The following HECW1 variants were observed in gnomAD, a reference collection of about 807,000 sequenced individuals.
The protein encoded by HECW1 is HECT, C2 and WW domain containing E3 ubiquitin protein ligase 1.
A neutral mutation model predicts 182.3 loss-of-function variants in HECW1; 61 were observed. The ratio of observed to expected loss-of-function variants is 0.33; its 90% CI spans 0.27 to 0.41. HECW1 has a LOEUF of 0.41. Ranked by LOEUF, HECW1 falls within the 10% of genes least tolerant of loss-of-function variation. The pLI, the probability that HECW1 is intolerant of heterozygous loss-of-function variation, is 1.00. For synonymous variants in HECW1, 859 were observed against 832.6 expected (o/e 1.03, Z -0.55); for missense variants, 1,739 against 2,108.9 (o/e 0.82, Z 3.44).
chr7:43,532,336 C>G (rs2081025450), intron 24 of HECW1, among the ~76,000 whole-genome samples: 1 of 152,170 alleles, frequency 6.6e-6, no homozygotes, highest in Non-Finnish European at 1.5e-5. Flanking sequence ...CCAGACAGGC[C>G]TCTGCCTTCA....
chr7:43,187,060 CGTCAG>C (rs200719976), intron 2 of HECW1, among the ~76,000 whole-genome samples: 3,016 of 152,296 alleles, frequency 0.02, 85 homozygotes, highest in African/African-American at 0.069. Context: ...GCAGTCAAGA[CGTCAG>C]TCAAAACTAC....
intron 3 of HECW1, among the ~76,000 whole-genome samples, chr7:43,305,932 G>A (rs1807506083): frequency 6.6e-6 from 1 of 151,906 alleles, no homozygotes; most frequent in Admixed American, 6.6e-5. Flanking sequence ...GGCTAATTTT[G>A]TATTTTTAGT....
intron 2 of HECW1, among the ~76,000 whole-genome samples, chr7:43,212,982 C>G (rs184138363): frequency 6.6e-6 from 1 of 151,994 alleles, no homozygotes; most frequent in South Asian, 2.1e-4. Context: ...ATATTTAAAG[C>G]ATGAGCTAAG....
chr7:43,537,914 G>A (rs1025421790), intron 24 of HECW1, among the ~76,000 whole-genome samples: 1 of 152,148 alleles, frequency 6.6e-6, no homozygotes, highest in East Asian at 1.9e-4. Flanking sequence ...TTCTCTGTTG[G>A]CAGTCTGCGC....
intron 24 of HECW1, among the ~76,000 whole-genome samples, chr7:43,524,307 G>T (rs765602943): frequency 6.6e-6 from 1 of 152,124 alleles, no homozygotes; most frequent in Non-Finnish European, 1.5e-5. Flanking sequence ...GACACAACAG[G>T]TTTTCACTAG....
At chr7:43,289,269 G>A (rs1288225010) in intron 3 of HECW1, among the ~76,000 whole-genome samples, 2 of 152,092 alleles carry the variant, frequency 1.3e-5, no homozygotes, top group Admixed American at 6.6e-5. Flanking sequence ...ACCACGCCCA[G>A]CTAATTTTTG....
At chr7:43,401,577 T>TTTTG (rs1554400207) in intron 7 of HECW1, among the ~76,000 whole-genome samples, 2 of 148,968 alleles carry the variant, frequency 1.3e-5, no homozygotes, top group African/African-American at 5.0e-5. Context: ...GTTTTTTTTT[T>TTTTG]TTTTTTTTTC....
intron 3 of HECW1, among the ~76,000 whole-genome samples, chr7:43,276,343 A>G (rs1235271179): frequency 1.1e-4 from 17 of 152,196 alleles, no homozygotes. Context: ...TGTCCCAGCA[A>G]GTAAATAGAG....
At chr7:43,231,827 T>C (rs1046228299) in intron 2 of HECW1, among the ~76,000 whole-genome samples, 12 of 151,416 alleles carry the variant, frequency 7.9e-5, no homozygotes, top group African/African-American at 1.7e-4. Flanking sequence ...CCATCCTGGC[T>C]AACACAGTGA....
chr7:43,294,353 C>G (rs1805774258), intron 3 of HECW1, among the ~76,000 whole-genome samples: 1 of 152,158 alleles, frequency 6.6e-6, no homozygotes, highest in African/African-American at 2.4e-5. Context: ...AGTCCTGCAA[C>G]TAGCTGTTCC....
At chr7:43,514,291 C>A (rs1290155032) in intron 24 of HECW1, among the ~76,000 whole-genome samples, 2 of 141,902 alleles carry the variant, frequency 1.4e-5, no homozygotes, top group African/African-American at 5.1e-5. Context: ...TTTCTTTTTT[C>A]TTTTCTTTTC....
chr7:43,132,120 A>G (rs984924992), intron 2 of HECW1, among the ~76,000 whole-genome samples: 1 of 152,110 alleles, frequency 6.6e-6, no homozygotes, highest in African/African-American at 2.4e-5. Context: ...ATTTTCTGCA[A>G]ATTCTCTGTA....
At chr7:43,403,758 A>G (rs1173124940) in intron 7 of HECW1, among the ~76,000 whole-genome samples, 1 of 152,220 alleles carries the variant, frequency 6.6e-6, no homozygotes, top group Non-Finnish European at 1.5e-5. Flanking sequence ...TCAACTACGC[A>G]AAGAAAAATA....
intron 2 of HECW1, among the ~76,000 whole-genome samples, chr7:43,174,544 C>T (rs984029780): frequency 4.6e-5 from 7 of 152,170 alleles, no homozygotes; most frequent in Admixed American, 2.6e-4. Flanking sequence ...TGGACTAGCC[C>T]CTGAGCGAGG....
intron 3 of HECW1, among the ~76,000 whole-genome samples, chr7:43,265,724 GCA>G (rs757932384): frequency 1.3e-5 from 2 of 152,096 alleles, no homozygotes; most frequent in Non-Finnish European, 2.9e-5. Flanking sequence ...CAGGTTAAAG[GCA>G]CATTCTCACA....
intron 2 of HECW1, among the ~76,000 whole-genome samples, chr7:43,177,861 C>T (rs1350237601): frequency 1.3e-5 from 2 of 152,186 alleles, no homozygotes; most frequent in African/African-American, 2.4e-5. Context: ...CAGTTCTTCC[C>T]TTTACTCCCC....
chr7:43,435,115 T>C (rs2076669967), intron 8 of HECW1, among the ~76,000 whole-genome samples: 1 of 151,330 alleles, frequency 6.6e-6, no homozygotes, highest in African/African-American at 2.4e-5. Flanking sequence ...CCCATCTTAT[T>C]AGCATTTAGT....
chr7:43,315,451 G>A (rs921778555), intron 4 of HECW1, among the ~76,000 whole-genome samples: 10 of 143,014 alleles, frequency 7.0e-5, no homozygotes, highest in East Asian at 6.0e-4. Flanking sequence ...CATATCTCCC[G>A]TCCCATTATT....
intron 5 of HECW1, among the ~76,000 whole-genome samples, chr7:43,357,513 T>C (rs2330792): frequency 0.27 from 41,503 of 151,950 alleles, 5,796 homozygotes; most frequent in Non-Finnish European, 0.31. Flanking sequence ...GCTAACAAAG[T>C]GGATCTCATG....
Sources: gnomAD v4.1 joint callset for allele counts (sites outside exome capture counted in the v4.1 genomes callset) on GRCh38, gnomAD v4.1.1 for gene constraint, MANE v1.5 for transcripts, NCBI Gene and HGNC (gene_info 2026-07-23, HGNC 2026-07-21) for gene names.